Variants in NLGN4X observed in about 807,000 individuals in gnomAD.
NLGN4X encodes the protein neuroligin-4, X-linked.
In NLGN4X, 3 loss-of-function variants were observed where a neutral mutation model predicts 40.3. The ratio of observed to expected loss-of-function variants is 0.07; its 90% confidence interval spans 0.03 to 0.19. The LOEUF is 0.19. NLGN4X is among the 10% of genes least tolerant of loss of function. NLGN4X has a pLI of 1.00. For missense variants in NLGN4X, 382 were observed against 708.3 expected (o/e 0.54, Z 5.23); for synonymous variants, 270 against 306.8 (o/e 0.88, Z 1.25).
intron 1 of NLGN4X, chrX:6,227,313 G>A (rs1392165634): frequency 1.1e-4 from 12 of 109,260 alleles, no homozygotes; most frequent in African/African-American, 3.7e-4. Context: ...GGCGGACCGT[G>A]CGCCCCGCAG....
intron 3 of NLGN4X, among the ~76,000 whole-genome samples, chrX:6,002,784 A>C (rs2036003018): frequency 8.9e-6 from 1 of 111,809 alleles, no homozygotes; most frequent in Non-Finnish European, 1.9e-5. Context: ...TCCTGTGCCC[A>C]TAAAAACTCC....
At chrX:6,163,334 T>C (rs780365266) in intron 1 of NLGN4X, among the ~76,000 whole-genome samples, 2 of 112,378 alleles carry the variant, frequency 1.8e-5, no homozygotes, top group South Asian at 3.7e-4. Flanking sequence ...GAGGTACCAC[T>C]GAATGCTTCC....
intron 2 of NLGN4X, among the ~76,000 whole-genome samples, chrX:6,054,398 T>C (rs887399587): frequency 9.0e-6 from 1 of 110,902 alleles, no homozygotes; most frequent in African/African-American, 3.3e-5. Context: ...GAGGATCGTA[T>C]GAGGCCAGGA....
rs769179508 is a variant in NLGN4X, at chrX:5,893,674, T to C, written c.1602-8A>G. The stretch of plus-strand genomic sequence containing the variant: ...ACTGGTTGATTTGGATCACTGAGGA[T>C]AGAAGGAAGAAAAAAAGAAAGGTCA... On this transcript the variant is annotated splice_region_variant and splice_polypyrimidine_tract_variant and intron_variant, in intron 5 of 5. Transcript: ENST00000381095. 2 of 1,209,931 alleles carry C rather than the reference T, an allele frequency of 1.7e-6. No homozygotes were observed. The highest frequency in any genetic ancestry group is 1.8e-5 in the South Asian group (1 of 56,805).
intron 2 of NLGN4X, among the ~76,000 whole-genome samples, chrX:6,081,423 C>A (rs1011715047): frequency 1.8e-5 from 2 of 112,320 alleles, no homozygotes; most frequent in Admixed American, 1.9e-4. Context: ...AGTGGAAATG[C>A]GGAATTTAAA....
intron 2 of NLGN4X, among the ~76,000 whole-genome samples, chrX:6,057,585 T>G (rs1053661445): frequency 2.7e-5 from 3 of 112,283 alleles, no homozygotes; most frequent in Non-Finnish European, 5.6e-5. Context: ...ATGCCTTTCA[T>G]AGTGGAAGAA....
intron 3 of NLGN4X, among the ~76,000 whole-genome samples, chrX:5,933,105 T>A (rs1011648840): frequency 9.0e-6 from 1 of 110,677 alleles, no homozygotes; most frequent in African/African-American, 3.3e-5. Context: ...TTTAAAAAAA[T>A]TTAATACTAT....
In NLGN4X at chrX:6,226,747, T is replaced by A. The variant is rs772685305; in HGVS notation, c.-306+1794A>T. The A allele has an allele frequency of 6.7e-5, 8 of 119,027 alleles. No homozygotes were observed. The South Asian group carries it at 2.1e-3, about 32-fold the overall frequency. 9.8% of individuals were successfully genotyped at this position (119,027 alleles called of 1,213,427 possible). On this transcript the variant is annotated intron_variant, in intron 1 of 5. Transcript: ENST00000381095. ...GTCCTCCGGGGTAGCGACCGGCCTC[T>A]TGGAAAACCAGAGGCGGAGGGAGCA...
intron 1 of NLGN4X, among the ~76,000 whole-genome samples, chrX:6,219,589 T>C (rs1925473296): frequency 9.7e-6 from 1 of 103,214 alleles, no homozygotes; most frequent in African/African-American, 3.6e-5. Flanking sequence ...CCTTCCTTCC[T>C]TCTTTCCTTC....
intron 2 of NLGN4X, among the ~76,000 whole-genome samples, chrX:6,032,217 A>G (rs1275253627): frequency 7.8e-4 from 37 of 47,335 alleles, no homozygotes; most frequent in Non-Finnish European, 1.2e-3. Context: ...AAAAAAACTG[A>G]TATTTCAGCC....
chrX:5,913,071 A>AAAGGAAGG (rs754665190), intron 3 of NLGN4X, among the ~76,000 whole-genome samples: 177 of 92,640 alleles, frequency 1.9e-3, no homozygotes, highest in African/African-American at 7.4e-3. Flanking sequence ...AGGAAGGAAG[A>AAAGGAAGG]AAGGAAGGAA....
At chrX:6,078,158 G>A (rs1426999066) in intron 2 of NLGN4X, among the ~76,000 whole-genome samples, 2 of 111,594 alleles carry the variant, frequency 1.8e-5, no homozygotes, top group Non-Finnish European at 3.8e-5. Flanking sequence ...AGATGTTATC[G>A]TTGCTTCATT....
chrX:6,216,820 G>T (rs758729302), intron 1 of NLGN4X, among the ~76,000 whole-genome samples: 1 of 112,125 alleles, frequency 8.9e-6, no homozygotes, highest in Non-Finnish European at 1.9e-5. Context: ...GTGTCACTCT[G>T]TTGCCCAGGC....
intron 1 of NLGN4X, among the ~76,000 whole-genome samples, chrX:6,208,061 C>A (rs376263039): frequency 1.8e-5 from 2 of 111,686 alleles, no homozygotes; most frequent in African/African-American, 3.3e-5. Context: ...AATATAACAC[C>A]ATTTTCAAAC....
At chrX:6,103,323 T>A (rs1291982288) in intron 2 of NLGN4X, among the ~76,000 whole-genome samples, 1 of 111,814 alleles carries the variant, frequency 8.9e-6, no homozygotes, top group African/African-American at 3.3e-5. Flanking sequence ...GGAGTTCCTC[T>A]CCATTCCAAT....
At chrX:5,900,996 G>A (rs989263665) in intron 5 of NLGN4X, among the ~76,000 whole-genome samples, 4 of 111,945 alleles carry the variant, frequency 3.6e-5, no homozygotes, top group Admixed American at 2.8e-4. Context: ...AAAAAGAACC[G>A]TTGAGTGATA....
intron 2 of NLGN4X, among the ~76,000 whole-genome samples, chrX:6,042,730 T>TATATATATATATATACACACAC (rs1215396694): frequency 5.0e-5 from 1 of 20,149 alleles, no homozygotes; most frequent in East Asian, 1.8e-3. Flanking sequence ...TATATATATA[T>TATATATATATATATACACACAC]ACACACACAC....
At chrX:6,156,188 C>T (rs903917166) in intron 1 of NLGN4X, among the ~76,000 whole-genome samples, 13 of 112,216 alleles carry the variant, frequency 1.2e-4, no homozygotes, top group African/African-American at 4.2e-4. Flanking sequence ...AAATGTGATG[C>T]GTATATACCA....
At chrX:6,213,367 G>A (rs1231505654) in intron 1 of NLGN4X, among the ~76,000 whole-genome samples, 10 of 111,837 alleles carry the variant, frequency 8.9e-5, no homozygotes, top group Non-Finnish European at 1.9e-4. Context: ...CAGACTAGAT[G>A]AGGCTAAGAA....
Sources: allele counts gnomAD v4.1 joint callset (sites outside exome capture counted in the v4.1 genomes callset), GRCh38; gene constraint gnomAD v4.1.1; transcripts MANE v1.5; gene names NCBI Gene and HGNC (gene_info 2026-07-23, HGNC 2026-07-21).